CPD: variants seen among roughly 807,000 people sequenced by gnomAD.
The protein encoded by CPD is metallocarboxypeptidase D.
In CPD, 69 loss-of-function variants were observed where a neutral mutation model predicts 138.3. The ratio of observed to expected loss-of-function variants is 0.50; its 90% CI spans 0.41 to 0.61. The LOEUF (loss-of-function observed/expected upper bound fraction) is 0.61, where lower values mean the gene tolerates loss of function less well. Ranked by LOEUF, CPD falls within the 20% of genes least tolerant of loss-of-function variation. The pLI is 0.00. For missense variants in CPD, 1,432 were observed against 1,733.3 expected (o/e 0.83, Z 3.09); for synonymous variants, 651 against 642.1 (o/e 1.01, Z -0.21).
chr17:30,418,872 A>G (rs1017272825), intron 2 of CPD, among the ~76,000 whole-genome samples: 5 of 152,138 alleles, frequency 3.3e-5, no homozygotes, highest in Admixed American at 6.5e-5. Flanking sequence ...TCTTCCTTGT[A>G]CTTATTCAAA....
At chr17:30,448,167 A>G (rs929564009) in intron 12 of CPD, among the ~76,000 whole-genome samples, 3 of 152,174 alleles carry the variant, frequency 2.0e-5, no homozygotes, top group Admixed American at 1.3e-4. Context: ...ATATCATACA[A>G]TCTTAGTGCC....
In CPD at chr17:30,464,937, G is replaced by C; in HGVS notation, c.*123G>C. The C allele has an allele frequency of 1.3e-6, 1 of 757,490 alleles. No homozygotes were observed. The highest frequency in any genetic ancestry group is 2.6e-5 in the Admixed American group (1 of 38,540). 46.9% of individuals were successfully genotyped at this position (757,490 alleles called of 1,614,324 possible). On this transcript the variant is annotated 3_prime_UTR_variant, in exon 21 of 21. Transcript: ENST00000225719. ...TCAAAGAGCTTTGGGAAATTAAATT[G>C]CTAAATTTGTATTCTCTGTGAATTT...
intron 3 of CPD, among the ~76,000 whole-genome samples, chr17:30,421,359 C>G (rs996947456): frequency 1.3e-5 from 2 of 152,090 alleles, no homozygotes; most frequent in South Asian, 4.1e-4. Flanking sequence ...TTAAACATCA[C>G]CCAGACTAAT....
chr17:30,456,846 C>CAAAAAAAAAAAAAAAAAAAAAAAAAAA (rs11353479), intron 17 of CPD: 1 of 66,626 alleles, frequency 1.5e-5, no homozygotes, highest in Non-Finnish European at 2.7e-5. Flanking sequence ...GATTCCATCT[C>CAAAAAAAAAAAAAAAAAAAAAAAAAAA]AAAAAAAAAA....
Position 30,422,761 on chromosome 17 carries a change from A to G in CPD, c.1395A>G (p.Ser465=), listed in dbSNP as rs1388351398. 6.2e-7 allele frequency: 1 copy of G among 1,614,134 alleles called. No homozygotes were observed. Among genetic ancestry groups the G allele is most frequent in the East Asian group, 2.2e-5 (1 of 44,880 alleles). Residue 465 remains serine, a synonymous_variant, in exon 5 of 21, where the codon TCA becomes TCG. Transcript: ENST00000225719. The stretch of plus-strand genomic sequence containing the variant: ...TTTCTCTTAGGCCAACTGTAACTTC[A>G]GTAATCCCTGACACGACAGAGGCTG... ...VDFSLRPTVT[S]VIPDTTEAVS...
At chr17:30,395,139 T>C (rs919668295) in intron 2 of CPD, among the ~76,000 whole-genome samples, 3 of 151,884 alleles carry the variant, frequency 2.0e-5, no homozygotes, top group Non-Finnish European at 4.4e-5. Flanking sequence ...TGGCATAATT[T>C]AATTGCGTGG....
At chr17:30,417,101 CAAA>C (rs752972071) in intron 2 of CPD, among the ~76,000 whole-genome samples, 1 of 106,308 alleles carries the variant, frequency 9.4e-6, no homozygotes, top group Non-Finnish European at 2.0e-5. Context: ...ACTCAGTCTC[CAAA>C]AAAAAAAAAA....
intron 5 of CPD, 93 bp downstream of exon 5, chr17:30,423,116 T>G (rs925019166): frequency 1.1e-6 from 1 of 942,226 alleles, no homozygotes; most frequent in African/African-American, 1.7e-5. Context: ...CGCCTACAGT[T>G]TGTATAACTG....
chr17:30,395,488 T>C (rs982513193), intron 2 of CPD, among the ~76,000 whole-genome samples: 2 of 152,094 alleles, frequency 1.3e-5, no homozygotes, highest in Non-Finnish European at 2.9e-5. Context: ...GAATATTTGC[T>C]TGGAGTCACG....
intron 1 of CPD, among the ~76,000 whole-genome samples, chr17:30,381,903 T>C (rs982900664): frequency 1.3e-5 from 2 of 152,236 alleles, no homozygotes; most frequent in African/African-American, 2.4e-5. Context: ...GAAAATGAAG[T>C]TTATTTTCTT....
chr17:30,399,784 G>T (rs1911605076), intron 2 of CPD, among the ~76,000 whole-genome samples: 1 of 152,136 alleles, frequency 6.6e-6, no homozygotes, highest in East Asian at 1.9e-4. Flanking sequence ...GAGGTCAGGA[G>T]TTCGAGACCA....
In CPD at chr17:30,464,447, T is replaced by G. The variant is rs1016499207; in HGVS notation, c.3917-141T>G. The G allele has an allele frequency of 5.9e-6, 4 of 675,740 alleles. No homozygotes were observed. In the South Asian group the frequency reaches 7.5e-5, roughly 13 times the overall value. 41.9% of individuals were successfully genotyped at this position (675,740 alleles called of 1,614,324 possible). A position where few individuals can be genotyped will look rare whatever the true frequency, so the allele number is the denominator to read the frequency against. ...GTATATTGTACATATACTGCTTCTA[T>G]AATAATAAAGGTTGTTCTTAAGTGC... is the stretch of plus-strand genomic sequence containing the variant. On this transcript the variant is annotated intron_variant, in intron 20 of 20. Transcript: ENST00000225719.
intron 7 of CPD, 47 bp from the exon 8 acceptor site, chr17:30,431,725 C>A: frequency 8.2e-7 from 1 of 1,218,314 alleles, no homozygotes; most frequent in South Asian, 1.3e-5. Flanking sequence ...GTTAATAATC[C>A]ATCTTGAAAC....
intron 17 of CPD, among the ~76,000 whole-genome samples, chr17:30,458,021 A>T (rs1346931815): frequency 1.3e-5 from 2 of 151,796 alleles, no homozygotes; most frequent in Non-Finnish European, 2.9e-5. Flanking sequence ...GGTGAAACCC[A>T]TCTCTACTAA....
At chr17:30,456,093 T>C in intron 15 of CPD, 163 bp from the exon 16 acceptor site, 1 of 596,584 alleles carries the variant, frequency 1.7e-6, no homozygotes, top group South Asian at 2.1e-5. Context: ...TTCTATTATC[T>C]TGGGCTAAAT....
In CPD at chr17:30,379,349, G is replaced by A; in HGVS notation, c.369G>A (p.Gly123=). 1 of 1,496,724 alleles carries A rather than the reference G, an allele frequency of 6.7e-7. No homozygotes were observed. The highest frequency in any genetic ancestry group is 1.3e-5 in the South Asian group (1 of 80,000). The allele number at this position is 1,496,724 out of a possible 1,614,324, so 92.7% of individuals were successfully genotyped here. ...GPDAAGPDAA[G]PLLPGRPQVK... ...ACGCTGCCGGGCCCGACGCTGCGGG[G>A]CCGCTGCTGCCCGGCCGGCCCCAGG... The change falls in exon 1 of 21, where the codon GGG becomes GGA. Residue 123 remains glycine, a synonymous_variant. Transcript: ENST00000225719. This position sits in a 1 kb window ranked among gnomAD's most constrained non-coding sequence, Gnocchi z 7.0.
intron 2 of CPD, among the ~76,000 whole-genome samples, chr17:30,401,393 T>C (rs1291082841): frequency 6.6e-6 from 1 of 151,110 alleles, no homozygotes; most frequent in African/African-American, 2.4e-5. Flanking sequence ...CCTCTTCCTC[T>C]TCTTCCTCCT....
intron 11 of CPD, 87 bp downstream of exon 11, chr17:30,444,058 G>C (rs770257553): frequency 3.2e-5 from 44 of 1,391,484 alleles, no homozygotes; most frequent in Non-Finnish European, 4.1e-5. Flanking sequence ...GTTCTAGAGA[G>C]CCTGTTAAGC....
chr17:30,446,030 A>C lies in CPD; in HGVS notation c.2873+10A>C, dbSNP rs1597732954. 4 of 1,544,204 alleles carry C rather than the reference A, an allele frequency of 2.6e-6. No homozygotes were observed. The highest frequency in any genetic ancestry group is 2.6e-6 in the Non-Finnish European group (3 of 1,145,002). ...TTACAAATCTTACCAAGTAAGTGTC[A>C]CTTTCTATTGTCTTTTTTTTTTTTT... is the stretch of plus-strand genomic sequence containing the variant. On this transcript the variant is annotated intron_variant, in intron 12 of 20. Coordinates refer to ENST00000225719, the MANE Select transcript of CPD (RefSeq NM_001304.5).
Sources: gnomAD v4.1 joint callset for allele counts (sites outside exome capture counted in the v4.1 genomes callset) on GRCh38, gnomAD v4.1.1 for gene constraint, Gnocchi (gnomAD v3.1) non-coding constraint, MANE v1.5 for transcripts, NCBI Gene and HGNC (gene_info 2026-07-23, HGNC 2026-07-21) for gene names.